Variants in ATE1 observed in about 807,000 individuals in gnomAD.
ATE1 encodes arginyl-tRNA--protein transferase 1.
In ATE1, 36 loss-of-function variants were observed where a neutral mutation model predicts 70.5. The ratio of observed to expected loss-of-function variants is 0.51; its 90% CI spans 0.39 to 0.67. The LOEUF is 0.67. Ranked by LOEUF, ATE1 falls within the 30% of genes least tolerant of loss-of-function variation. The pLI is 0.00. For synonymous variants in ATE1, 232 were observed against 219.3 expected (o/e 1.06, Z -0.51); for missense variants, 593 against 629.5 (o/e 0.94, Z 0.62).
chr10:121,832,931 T>C (rs1004606058), intron 10 of ATE1, among the ~76,000 whole-genome samples: 14 of 152,280 alleles, frequency 9.2e-5, no homozygotes, highest in African/African-American at 1.7e-4. Context: ...ATTTAGAAAT[T>C]TGGATGTCAT....
At chr10:121,827,137 C>T (rs1170856850) in intron 10 of ATE1, among the ~76,000 whole-genome samples, 1 of 152,034 alleles carries the variant, frequency 6.6e-6, no homozygotes. Flanking sequence ...CCTCGGCCTC[C>T]TGAGTAGCTG....
intron 3 of ATE1, among the ~76,000 whole-genome samples, chr10:121,914,308 AC>A (rs1951556642): frequency 6.6e-6 from 1 of 151,598 alleles, no homozygotes; most frequent in Admixed American, 6.6e-5. Flanking sequence ...CTCGTGATCC[AC>A]CTGCCTCGGC....
chr10:121,781,812 T>A (rs1476858404), intron 11 of ATE1, among the ~76,000 whole-genome samples: 1 of 152,222 alleles, frequency 6.6e-6, no homozygotes, highest in East Asian at 1.9e-4. Flanking sequence ...TTTTATATTA[T>A]CAGTGAAAGA....
rs144029663 is a variant in ATE1, at chr10:121,807,478, G to C, written c.1258-17189C>G. On this transcript the variant is annotated intron_variant, in intron 10 of 11. Coordinates refer to ENST00000224652, the MANE Select transcript of ATE1 (RefSeq NM_001001976.3). ...TCCCAGTTTGGTAATACATGTTCTA[G>C]AGACACCAGGGCAACTTTATTATTG... Among the ~76,000 whole-genome samples the C allele has an allele frequency of 3.2e-3, 480 of 152,248 alleles. 6 individuals carry two copies. The highest frequency in any genetic ancestry group is 0.011 in the African/African-American group (446 of 41,528).
chr10:121,793,090 T>C (rs1443645803), intron 10 of ATE1, among the ~76,000 whole-genome samples: 1 of 152,134 alleles, frequency 6.6e-6, no homozygotes, highest in African/African-American at 2.4e-5. Context: ...ACACAATGCA[T>C]TTTTTTAAAA....
intron 10 of ATE1, among the ~76,000 whole-genome samples, chr10:121,816,707 T>C (rs1741959189): frequency 6.6e-6 from 1 of 152,200 alleles, no homozygotes. Context: ...GAAATAAAAA[T>C]CTGTTGTTTA....
chr10:121,770,430 G>C (rs2135869671), intron 11 of ATE1, among the ~76,000 whole-genome samples: 1 of 152,162 alleles, frequency 6.6e-6, no homozygotes, highest in Non-Finnish European at 1.5e-5. Flanking sequence ...ATTAGCAAAG[G>C]TAGTATTTCA....
At chr10:121,768,717 C>T (rs912997861) in intron 11 of ATE1, among the ~76,000 whole-genome samples, 12 of 152,182 alleles carry the variant, frequency 7.9e-5, no homozygotes, top group African/African-American at 2.9e-4. Flanking sequence ...TAACATTTCT[C>T]TTTCTAATAA....
At chr10:121,745,483 A>C (rs371455928) in intron 11 of ATE1, among the ~76,000 whole-genome samples, 1 of 152,086 alleles carries the variant, frequency 6.6e-6, no homozygotes, top group African/African-American at 2.4e-5. Context: ...TTGGGAGGCC[A>C]AGGTGGGCAA....
chr10:121,745,100 C>A (rs562525454), intron 11 of ATE1, among the ~76,000 whole-genome samples: 45 of 152,230 alleles, frequency 3.0e-4, no homozygotes, highest in African/African-American at 1.0e-3. Flanking sequence ...TTGCCTATGT[C>A]TAGATATTTA....
chr10:121,817,106 T>C (rs1480065121), intron 10 of ATE1, among the ~76,000 whole-genome samples: 1 of 152,238 alleles, frequency 6.6e-6, no homozygotes, highest in African/African-American at 2.4e-5. Context: ...CCTGTAGAAG[T>C]GTCAAACAAT....
Position 121,902,582 on chromosome 10 carries a change from C to T in ATE1, c.622G>A (p.Ala208Thr), listed in dbSNP as rs1951024445. 1.2e-6 allele frequency: 2 copies of T among 1,613,622 alleles called. No individual in the cohort carries two copies. Among genetic ancestry groups the T allele is most frequent in the Middle Eastern group, 1.6e-4 (1 of 6,062 alleles). ...TTCCTTTCTTTCCGGATTTCCTTTGCTTTTCGACATGGAGGCTTACTCAAA... is the reference window on the plus strand; with the variant it reads ...TTCCTTTCTTTCCGGATTTCCTTTGTTTTTCGACATGGAGGCTTACTCAAA... ...ADLSKPPCRK[A>T]KEIRKERKRL... Residue 208 changes from alanine (A) to threonine (T), a missense_variant, in exon 6 of 12, where the codon GCA (alanine) becomes ACA (threonine). Physicochemically the swap from Ala to Thr is moderately conservative, Grantham distance 58. Coordinates refer to ENST00000224652, the MANE Select transcript of ATE1 (RefSeq NM_001001976.3).
At chr10:121,801,942 A>C (rs551068350) in intron 10 of ATE1, among the ~76,000 whole-genome samples, 101 of 152,264 alleles carry the variant, frequency 6.6e-4, no homozygotes, top group East Asian at 4.1e-3. Context: ...AAAAAAAAAA[A>C]AAAACATGGG....
intron 10 of ATE1, among the ~76,000 whole-genome samples, chr10:121,831,491 C>T (rs1948235383): frequency 6.6e-6 from 1 of 152,158 alleles, no homozygotes; most frequent in Non-Finnish European, 1.5e-5. Context: ...CTGCTTCCTG[C>T]GAATGTCAAC....
intron 11 of ATE1, among the ~76,000 whole-genome samples, chr10:121,782,883 C>T (rs1169641924): frequency 6.6e-6 from 1 of 152,142 alleles, no homozygotes; most frequent in African/African-American, 2.4e-5. Context: ...TTCCTGCCCT[C>T]GAACATCGGA....
chr10:121,768,324 T>C (rs1274981373), intron 11 of ATE1, among the ~76,000 whole-genome samples: 1 of 152,150 alleles, frequency 6.6e-6, no homozygotes, highest in Non-Finnish European at 1.5e-5. Flanking sequence ...AATAAACACA[T>C]AGGAACTGAA....
At chr10:121,806,987 A>G (rs1947123833) in intron 10 of ATE1, among the ~76,000 whole-genome samples, 1 of 152,148 alleles carries the variant, frequency 6.6e-6, no homozygotes, top group East Asian at 1.9e-4. Flanking sequence ...TCTAGAACTT[A>G]CCAGTTTGAC....
At chr10:121,753,593 T>C (rs781115957) in intron 11 of ATE1, among the ~76,000 whole-genome samples, 7 of 152,154 alleles carry the variant, frequency 4.6e-5, no homozygotes, top group Non-Finnish European at 1.5e-5. Flanking sequence ...ATCAACTTTA[T>C]CACCTCAGCA....
At chr10:121,754,951 A>G (rs1043289722) in intron 11 of ATE1, among the ~76,000 whole-genome samples, 4 of 152,232 alleles carry the variant, frequency 2.6e-5, no homozygotes, top group African/African-American at 9.6e-5. Flanking sequence ...CTAATTACAA[A>G]GAAATACTTG....
Sources: allele counts gnomAD v4.1 joint callset (sites outside exome capture counted in the v4.1 genomes callset), GRCh38; gene constraint gnomAD v4.1.1; transcripts MANE v1.5; gene names NCBI Gene and HGNC (gene_info 2026-07-23, HGNC 2026-07-21).